The following KIF1A variants were observed in gnomAD, a reference collection of about 807,000 sequenced individuals.
KIF1A encodes kinesin family member 1A.
KIF1A carries 46 observed loss-of-function variants against 227.3 expected under a neutral mutation model. The observed-to-expected ratio is 0.20, with a 90% CI of 0.16 to 0.26. The LOEUF (loss-of-function observed/expected upper bound fraction) is 0.26, where lower values mean the gene tolerates loss of function less well. Among genes scored for constraint, KIF1A ranks in the 10% least tolerant of loss-of-function variants. The probability of loss-of-function intolerance (pLI) is 1.00; values close to 1 mark genes in which losing one functional copy is unlikely to be tolerated. For synonymous variants in KIF1A, 1,022 were observed against 1,012.8 expected (o/e 1.01, Z -0.17); for missense variants, 1,683 against 2,485.9 (o/e 0.68, Z 6.87).
At chr2:240,751,253 G>A (rs2049170582) in intron 27 of KIF1A, among the ~76,000 whole-genome samples, 1 of 152,144 alleles carries the variant, frequency 6.6e-6, no homozygotes, top group Non-Finnish European at 1.5e-5. Flanking sequence ...CCAATATGTG[G>A]GCAGCTGGGA....
chr2:240,817,868 T>C (rs2058440495), intron 1 of KIF1A, among the ~76,000 whole-genome samples: 1 of 152,212 alleles, frequency 6.6e-6, no homozygotes, highest in African/African-American at 2.4e-5. Context: ...TCAGCAGTCA[T>C]GACATCAGTG....
intron 42 of KIF1A, 62 bp from the exon 43 acceptor site, chr2:240,722,718 C>T (rs897792823): frequency 2.3e-6 from 3 of 1,317,602 alleles, no homozygotes; most frequent in African/African-American, 1.5e-5. Context: ...GAGTTGTGCT[C>T]AGCCTCAGCA....
At chr2:240,727,202 T>TCACGCTGAGGCTGGACAGGGCC (rs2046118942) in intron 38 of KIF1A, among the ~76,000 whole-genome samples, 1 of 151,802 alleles carries the variant, frequency 6.6e-6, no homozygotes, top group Non-Finnish European at 1.5e-5. Context: ...GCCCCAGCTG[T>TCACGCTGAGGCTGGACAGGGCC]CACGCTGAGG....
chr2:240,758,262 G>A lies in KIF1A; in HGVS notation c.2582+98C>T. 7.2e-7 allele frequency: 1 copy of A among 1,386,094 alleles called. No individual in the cohort carries two copies. The highest frequency in any genetic ancestry group is 2.5e-5 in the East Asian group (1 of 40,436). The allele number at this position is 1,386,094 out of a possible 1,614,324, so 85.9% of individuals were successfully genotyped here. ...TATGGGGCTGGAAAAGCACTTGTCA[G>A]GGCCGCTCCTTGTATCAGGCCAGGG... On this transcript the variant is annotated intron_variant, in intron 26 of 48. Coordinates refer to ENST00000498729, the MANE Select transcript of KIF1A (RefSeq NM_001244008.2). The surrounding 1 kb of genome is among the most constrained non-coding windows in gnomAD (Gnocchi z 5.2).
At position 240,788,035 on chromosome 2, in the gene KIF1A, G is replaced by T; in HGVS notation, c.363+16C>A. ...CCATCTGCCAGGGCTGCCCCCGCCC[G>T]CCCCCCGCTTCGTGCCTGTGGGATG... On this transcript the variant is annotated intron_variant, in intron 4 of 48. Transcript: ENST00000498729. This position sits in a 1 kb window ranked among gnomAD's most constrained non-coding sequence, Gnocchi z 6.6. 5.5e-6 allele frequency: 4 copies of T among 729,712 alleles called. No individual in the cohort carries two copies. Among genetic ancestry groups the T allele is most frequent in the Non-Finnish European group, 6.0e-6 (3 of 499,626 alleles). The allele number at this position is 729,712 out of a possible 1,614,324, so 45.2% of individuals were successfully genotyped here.
At chr2:240,761,512 C>A in intron 23 of KIF1A, 135 bp from the exon 24 acceptor site, 2 of 726,768 alleles carry the variant, frequency 2.8e-6, no homozygotes, top group Non-Finnish European at 4.0e-6. Flanking sequence ...GTGTACATCA[C>A]GGCCGGGTGG....
intron 4 of KIF1A, 111 bp from the exon 5 acceptor site, chr2:240,787,427 C>A: frequency 1.1e-6 from 1 of 887,198 alleles, no homozygotes; most frequent in Non-Finnish European, 1.9e-6. Flanking sequence ...CCCTCTCAGG[C>A]CCCTCTTGCA....
rs1263248431 is a variant in KIF1A at position 240,766,745 on chromosome 2, T to TCACACACACACACACACACACA, written c.1684+169_1684+170insTGTGTGTGTGTGTGTGTGTGTG. Among the ~76,000 whole-genome samples the TCACACACACACACACACACACA allele has an allele frequency of 5.5e-5, 7 of 126,986 alleles. No homozygotes were observed. The highest frequency in any genetic ancestry group is 5.4e-4 in the Admixed American group (7 of 12,884). The allele number at this position is 126,986 out of a possible 152,430, so 83.3% of individuals were successfully genotyped here. On this transcript the variant is annotated intron_variant, in intron 19 of 48. Transcript: ENST00000498729. This position sits in a 1 kb window ranked among gnomAD's most constrained non-coding sequence, Gnocchi z 5.0. ...AAATCTCTCTCTCTCTCTCTCTCTC[T>TCACACACACACACACACACACA]CTCTCACACACACACACACACACAC... is the stretch of plus-strand genomic sequence containing the variant.
intron 38 of KIF1A, among the ~76,000 whole-genome samples, chr2:240,735,621 C>T (rs980020281): frequency 3.9e-5 from 6 of 152,200 alleles, no homozygotes; most frequent in Non-Finnish European, 8.8e-5. Context: ...TTCCGGGCCC[C>T]ACCCCCTACT....
intron 8 of KIF1A, among the ~76,000 whole-genome samples, chr2:240,783,489 C>T (rs1043787914): frequency 9.8e-5 from 15 of 152,322 alleles, no homozygotes; most frequent in East Asian, 9.7e-4. Flanking sequence ...GGCCTCTGGG[C>T]GCAAGGTCCT....
At chr2:240,787,858 G>C (rs1172533891) in intron 4 of KIF1A, among the ~76,000 whole-genome samples, 193 bp downstream of exon 4, 1 of 152,114 alleles carries the variant, frequency 6.6e-6, no homozygotes, top group African/African-American at 2.4e-5. Context: ...TGCACCTGGG[G>C]CCTGGGTCTG....
Position 240,786,479 on chromosome 2 carries a change from C to T in KIF1A, c.464G>A (p.Arg155His). 3 of 1,613,502 alleles carry T rather than the reference C, an allele frequency of 1.9e-6. No homozygotes were observed. The highest frequency in any genetic ancestry group is 2.5e-6 in the Non-Finnish European group (3 of 1,179,746). Reference sequence around the variant, plus strand: ...CTTGTTCTTGGGGTTCAGGAGGTCACGGACGCGCTCACAGTAAATCTCCAT... The same window carrying T: ...CTTGTTCTTGGGGTTCAGGAGGTCATGGACGCGCTCACAGTAAATCTCCAT... ...SYMEIYCERV[R>H]DLLNPKNKGN... The change falls in exon 6 of 49, where the codon CGT (arginine) becomes CAT (histidine). Residue 155 changes from arginine to histidine, a missense_variant. By Grantham distance (29) the Arg-to-His change is conservative. This residue lies in a region of KIF1A where 75 missense variants were observed against 131.2 expected (regional missense o/e 0.57). Transcript: ENST00000498729.
Position 240,725,188 on chromosome 2 carries a change from G to C in KIF1A, c.4256+83C>G. Reference sequence around the variant, plus strand: ...CAGGGTGAGCTGCCGGGTGGCCCAAGGACCGCTGCCAGGCAGAGCCCTGCC... The same window carrying C: ...CAGGGTGAGCTGCCGGGTGGCCCAACGACCGCTGCCAGGCAGAGCCCTGCC... On this transcript the variant is annotated intron_variant, in intron 40 of 48. Coordinates refer to ENST00000498729, the MANE Select transcript of KIF1A (RefSeq NM_001244008.2). The surrounding 1 kb of genome is among the most constrained non-coding windows in gnomAD (Gnocchi z 5.8). 1.4e-6 allele frequency: 2 copies of C among 1,467,606 alleles called. No individual in the cohort carries two copies. The highest frequency in any genetic ancestry group is 1.8e-6 in the Non-Finnish European group (2 of 1,086,402). The allele number at this position is 1,467,606 out of a possible 1,614,324, so 90.9% of individuals were successfully genotyped here. A position where few individuals can be genotyped will look rare whatever the true frequency, so the allele number is the denominator to read the frequency against.
chr2:240,784,378 C>T (rs1424392314), intron 7 of KIF1A, among the ~76,000 whole-genome samples: 1 of 152,236 alleles, frequency 6.6e-6, no homozygotes, highest in Middle Eastern at 3.4e-3. Context: ...AGGACCCTCT[C>T]GGTGCCCACC....
At position 240,760,853 on chromosome 2, in the gene KIF1A, G is replaced by A. The variant is rs1213501281; in HGVS notation, c.2266-10C>T. The A allele has an allele frequency of 2.0e-5, 32 of 1,604,122 alleles. No individual in the cohort carries two copies. Among genetic ancestry groups the A allele is most frequent in the Non-Finnish European group, 2.6e-5 (31 of 1,176,504 alleles). ...CAAACTGGAATTGTACCTGTGACAG[G>A]GGAAGATGACCACTCGTCAGCTCCT... On this transcript the variant is annotated splice_polypyrimidine_tract_variant and intron_variant, in intron 24 of 48. Coordinates refer to ENST00000498729, the MANE Select transcript of KIF1A (RefSeq NM_001244008.2).
chr2:240,777,310 C>T (rs1261371099), intron 10 of KIF1A, among the ~76,000 whole-genome samples: 2 of 152,208 alleles, frequency 1.3e-5, no homozygotes, highest in Non-Finnish European at 2.9e-5. Context: ...TCCCAAAGTG[C>T]TGGGATTACA....
At chr2:240,812,905 C>CGCCTTCACCTCGGGGATCT (rs2058013158) in intron 1 of KIF1A, among the ~76,000 whole-genome samples, 5 of 120,150 alleles carry the variant, frequency 4.2e-5, no homozygotes, top group Non-Finnish European at 8.6e-5. Context: ...CTCGGGGATC[C>CGCCTTCACCTCGGGGATCT]GCCTTCACCT....
intron 17 of KIF1A, among the ~76,000 whole-genome samples, chr2:240,768,768 A>G (rs1478941635): frequency 1.3e-5 from 2 of 152,130 alleles, no homozygotes; most frequent in African/African-American, 4.8e-5. Context: ...GGCAGCTGGC[A>G]CCCAGCTCTG....
chr2:240,738,726 C>A (rs1460111344), intron 37 of KIF1A, among the ~76,000 whole-genome samples: 2 of 152,228 alleles, frequency 1.3e-5, no homozygotes, highest in Non-Finnish European at 2.9e-5. Flanking sequence ...CTCCTGTTGG[C>A]CTTTTTAGAA....
Sources: allele counts gnomAD v4.1 joint callset (sites outside exome capture counted in the v4.1 genomes callset), GRCh38; gene constraint gnomAD v4.1.1; regional missense constraint gnomAD v4.1.1; non-coding constraint Gnocchi (gnomAD v3.1); transcripts MANE v1.5; gene names NCBI Gene and HGNC (gene_info 2026-07-23, HGNC 2026-07-21).